The following SOBP variants were observed in gnomAD, a reference collection of about 807,000 sequenced individuals.
SOBP encodes sine oculis-binding protein homolog.
SOBP carries 4 observed loss-of-function variants against 53.6 expected under a neutral mutation model. The ratio of observed to expected loss-of-function variants is 0.07; its 90% CI spans 0.04 to 0.17. SOBP has a LOEUF of 0.17. Ranked by LOEUF, SOBP falls within the 10% of genes least tolerant of loss-of-function variation. The pLI, the probability that SOBP is intolerant of heterozygous loss-of-function variation, is 1.00. For synonymous variants in SOBP, 584 were observed against 522.6 expected, an observed-to-expected ratio of 1.12 and a Z score of -1.60; for missense variants, 1,088 against 1,204.7, an observed-to-expected ratio of 0.90 and a Z score of 1.43.
intron 3 of SOBP, chr6:107,511,311 C>T (rs551161370): frequency 1.3e-5 from 2 of 152,334 alleles, no homozygotes; most frequent in South Asian, 4.1e-4. Flanking sequence ...AGGACATACA[C>T]TCTCTTCCTG....
chr6:107,653,379 G>A (rs576488073), intron 6 of SOBP, among the ~76,000 whole-genome samples: 21 of 152,342 alleles, frequency 1.4e-4, no homozygotes, highest in African/African-American at 4.1e-4. Flanking sequence ...TCAGGGACTC[G>A]TTATTGTCCC....
At chr6:107,608,720 G>A (rs376081156) in intron 5 of SOBP, among the ~76,000 whole-genome samples, 3 of 152,220 alleles carry the variant, frequency 2.0e-5, no homozygotes, top group South Asian at 2.1e-4. Context: ...AGGTCCTCAC[G>A]AGATGAGTTA....
intron 4 of SOBP, among the ~76,000 whole-genome samples, chr6:107,545,150 G>T (rs546274512): frequency 6.6e-6 from 1 of 152,198 alleles, no homozygotes. Flanking sequence ...GATGAATGTG[G>T]TTGAAAGATA....
chr6:107,535,638 T>TGTGTGTGTG (rs201971072), intron 4 of SOBP, among the ~76,000 whole-genome samples: 1 of 129,334 alleles, frequency 7.7e-6, no homozygotes, highest in African/African-American at 4.0e-5. Flanking sequence ...TGTGTGTGTG[T>TGTGTGTGTG]TTTTTTTTTT....
chr6:107,521,955 CACACAAACTCAA>C lies in SOBP; in HGVS notation c.422-11503_422-11492del, dbSNP rs1166542178. 3.5e-3 allele frequency among the ~76,000 whole-genome samples: 486 copies of C among 139,730 alleles called. 7 individuals are homozygous for C. In the East Asian group the frequency reaches 0.048, roughly 14 times the overall value. 91.7% of individuals were successfully genotyped at this position (139,730 alleles called of 152,430 possible). ...ACACACACACACACACACACACACA[CACACAAACTCAA>C]TCAAGTCTGAGAATTACCAAGTCCA... is the stretch of plus-strand genomic sequence containing the variant. On this transcript the variant is annotated intron_variant, in intron 3 of 6. Transcript: ENST00000317357.
intron 3 of SOBP, chr6:107,513,828 G>C (rs1468725829): frequency 6.6e-6 from 1 of 152,428 alleles, no homozygotes; most frequent in East Asian, 1.9e-4. Context: ...GCAGAAATGT[G>C]AGTACTTAAT....
chr6:107,571,125 G>A (rs1280645103), intron 4 of SOBP, among the ~76,000 whole-genome samples: 2 of 152,194 alleles, frequency 1.3e-5, no homozygotes. Flanking sequence ...TTACTGTGGG[G>A]TCTGGTAGAA....
chr6:107,645,255 T>C (rs1040223975), intron 6 of SOBP, among the ~76,000 whole-genome samples: 1 of 152,214 alleles, frequency 6.6e-6, no homozygotes, highest in Non-Finnish European at 1.5e-5. Context: ...ATTCATATAT[T>C]ACAATCTGCG....
At chr6:107,554,274 A>G (rs565764230) in intron 4 of SOBP, among the ~76,000 whole-genome samples, 1 of 152,334 alleles carries the variant, frequency 6.6e-6, no homozygotes, top group African/African-American at 2.4e-5. Context: ...TTTGTCCAGT[A>G]CTTAGAGCAA....
intron 3 of SOBP, among the ~76,000 whole-genome samples, chr6:107,525,110 CT>C (rs1783624569): frequency 6.6e-6 from 1 of 152,168 alleles, no homozygotes; most frequent in African/African-American, 2.4e-5. Flanking sequence ...GTGGAACGTG[CT>C]TTTGGAAGTG....
At chr6:107,553,701 T>TG (rs1363304090) in intron 4 of SOBP, among the ~76,000 whole-genome samples, 3 of 152,136 alleles carry the variant, frequency 2.0e-5, no homozygotes, top group African/African-American at 4.8e-5. Flanking sequence ...TTGGCCAGGC[T>TG]GGTCTTGAAC....
Position 107,633,800 on chromosome 6 carries a change from G to T in SOBP, c.956G>T (p.Gly319Val). Residue 319 changes from glycine to valine, a missense_variant, in exon 6 of 7, where the codon GGC (glycine) becomes GTC (valine). Gly to Val is a moderately radical substitution (Grantham distance 109, BLOSUM62 -3). Around this residue, in one of 6 missense-constraint regions of SOBP, gnomAD observed 211 missense variants for 258.9 expected, o/e 0.82. Coordinates refer to ENST00000317357, the MANE Select transcript of SOBP (RefSeq NM_018013.4). ...GCCCCCTCCCCGGTGGCTACAGCTG[G>T]CCAAAGCCAGGGCCCTGGCCCGTCG... Reference protein sequence around the residue: ...RKAPSPVATAGQSQGPGPSAS... With the variant: ...RKAPSPVATAVQSQGPGPSAS... 6.2e-7 allele frequency: 1 copy of T among 1,613,732 alleles called. No homozygotes were observed. The highest frequency in any genetic ancestry group is 8.5e-7 in the Non-Finnish European group (1 of 1,179,952).
chr6:107,508,125 G>T (rs1468477259), intron 3 of SOBP, among the ~76,000 whole-genome samples: 1 of 152,096 alleles, frequency 6.6e-6, no homozygotes, highest in Non-Finnish European at 1.5e-5. Flanking sequence ...GTTTTTATTA[G>T]GGAAGATAGG....
chr6:107,648,548 A>C (rs932343128), intron 6 of SOBP, among the ~76,000 whole-genome samples: 4 of 151,726 alleles, frequency 2.6e-5, no homozygotes, highest in African/African-American at 9.7e-5. Flanking sequence ...TTTTCTTATG[A>C]AAAACTTTTC....
At chr6:107,637,345 A>T (rs864690) in intron 6 of SOBP, among the ~76,000 whole-genome samples, 149,686 of 152,326 alleles carry the variant, frequency 0.98, 73,561 homozygotes, top group East Asian at 1. Flanking sequence ...TTGTCAGTTG[A>T]GGAAGAAAGG....
chr6:107,575,051 G>A (rs891214923), intron 4 of SOBP, among the ~76,000 whole-genome samples: 1 of 152,140 alleles, frequency 6.6e-6, no homozygotes, highest in African/African-American at 2.4e-5. Context: ...CTCCTGGGGC[G>A]CACGAGCAGT....
In SOBP at chr6:107,531,642, G is replaced by A. The variant is rs74423401; in HGVS notation, c.422-1817G>A. On this transcript the variant is annotated intron_variant, in intron 3 of 6. Coordinates refer to ENST00000317357, the MANE Select transcript of SOBP (RefSeq NM_018013.4). ...TTTATTTTTAAATTTTTTTTGTTAA[G>A]GATATTCCTGAAATATCAAAAAGCT... is the stretch of plus-strand genomic sequence containing the variant. Among the ~76,000 whole-genome samples, 42 of 151,524 alleles carry A rather than the reference G, an allele frequency of 2.8e-4. No homozygotes were observed. The East Asian group carries it at 7.4e-3, about 27-fold the overall frequency.
chr6:107,490,768 C>A, intron 1 of SOBP, 56 bp downstream of exon 1: 1 of 1,353,282 alleles, frequency 7.4e-7, no homozygotes, highest in Non-Finnish European at 1.0e-6. Flanking sequence ...GCCCGCTCCC[C>A]GTGGGCCGTG....
intron 3 of SOBP, among the ~76,000 whole-genome samples, chr6:107,521,322 G>T (rs1228014902): frequency 1.3e-5 from 2 of 151,738 alleles, no homozygotes; most frequent in Non-Finnish European, 2.9e-5. Context: ...ATTTCACTTG[G>T]TAATAATTCC....
Sources: allele counts gnomAD v4.1 joint callset (sites outside exome capture counted in the v4.1 genomes callset), GRCh38; gene constraint gnomAD v4.1.1; regional missense constraint gnomAD v4.1.1; transcripts MANE v1.5; gene names NCBI Gene and HGNC (gene_info 2026-07-23, HGNC 2026-07-21).